The following CAPN10 variants were observed in gnomAD, a reference collection of about 807,000 sequenced individuals.
The protein encoded by CAPN10 is calpain 10.
CAPN10 carries 71 observed loss-of-function variants against 78.4 expected under a neutral mutation model. The ratio of observed to expected loss-of-function variants is 0.91; its 90% CI spans 0.75 to 1.10. CAPN10 has a LOEUF of 1.10. CAPN10 is among the 50% of genes least tolerant of loss of function. The probability of loss-of-function intolerance (pLI) is 0.00; values close to 1 mark genes in which losing one functional copy is unlikely to be tolerated. For missense variants in CAPN10, 849 were observed against 924.6 expected (o/e 0.92, Z 1.06); for synonymous variants, 437 against 407.2 (o/e 1.07, Z -0.88).
rs755489917 is a variant in CAPN10, at chr2:240,596,719, C to A, written c.1520C>A (p.Ala507Glu). 40 of 1,578,678 alleles carry A rather than the reference C, an allele frequency of 2.5e-5. No individual in the cohort carries two copies. The highest frequency in any genetic ancestry group is 3.4e-5 in the Non-Finnish European group (39 of 1,161,002). Residue 507 changes from alanine (A) to glutamate (E), a missense_variant, in exon 9 of 12, where the codon GCA becomes GAA. Physicochemically the swap from Ala to Glu is moderately radical, Grantham distance 107 (BLOSUM62 -1). Coordinates refer to ENST00000391984, the MANE Select transcript of CAPN10 (RefSeq NM_023083.4). The part of the protein sequence containing the change: ...RAVAKNTTPG[A>E]ALPAGEWGTV... ...GTGGCCAAGAACACCACCCCCGGGG[C>A]AGCCCTGCCTGCGGGGGAGTGGGGG...
At chr2:240,594,183 G>A in intron 5 of CAPN10, 136 bp downstream of exon 5, 2 of 945,328 alleles carry the variant, frequency 2.1e-6, no homozygotes, top group South Asian at 4.0e-5. Flanking sequence ...CTGCTCTCGT[G>A]ACACCATGCT....
In CAPN10 at chr2:240,594,007, CCCTGGG is replaced by C. The variant is rs760208263; in HGVS notation, c.791_796del (p.Pro264_Gly266delinsArg). The C allele has an allele frequency of 1.8e-5, 29 of 1,610,748 alleles. No individual in the cohort carries two copies. Among genetic ancestry groups the C allele is most frequent in the Non-Finnish European group, 2.5e-5 (29 of 1,178,032 alleles). On this transcript the variant is annotated inframe_deletion, in exon 5 of 12. Transcript: ENST00000391984. ...CATCCTGCTGCTGCGGATCCAGAAC[CCCTGGG>C]GCCGGCGGTGCTGGCAGGGGCTCTG...
Position 240,586,920 on chromosome 2 carries a change from G to T in CAPN10, c.9G>T (p.Ala3=). The change falls in exon 1 of 12, where the codon GCG becomes GCT. Residue 3 remains alanine, a synonymous_variant. Transcript: ENST00000391984. ...AGCCCGCGGAGCCGAGGATGCGGGC[G>T]GGCCGGGGCGCGACGCCGGCGAGGG... MR[A]GRGATPAREL... The T allele has an allele frequency of 7.0e-7, 1 of 1,431,428 alleles. No individual in the cohort carries two copies. Among genetic ancestry groups the T allele is most frequent in the Non-Finnish European group, 9.1e-7 (1 of 1,094,364 alleles). 88.7% of individuals were successfully genotyped at this position (1,431,428 alleles called of 1,614,324 possible).
intron 2 of CAPN10, chr2:240,590,172 G>A (rs927909518): frequency 6.6e-6 from 1 of 152,216 alleles, no homozygotes; most frequent in African/African-American, 2.4e-5. Context: ...TGGCCGTAAA[G>A]TGGCAGAGCC....
intron 9 of CAPN10, 34 bp downstream of exon 9, chr2:240,596,976 A>C: frequency 6.2e-7 from 1 of 1,612,776 alleles, no homozygotes; most frequent in Non-Finnish European, 8.5e-7. Flanking sequence ...GAGGGGGAGC[A>C]GAAGGGGCCC....
intron 3 of CAPN10, chr2:240,591,572 C>T: frequency 3.1e-6 from 1 of 326,978 alleles, no homozygotes; most frequent in South Asian, 5.2e-5. Context: ...CATCAGTGCC[C>T]AGTGAGCCCT....
rs1040118463 is a variant in CAPN10, at chr2:240,586,824, G to A, written c.-88G>A. On this transcript the variant is annotated 5_prime_UTR_variant, in exon 1 of 12. Transcript: ENST00000391984. Reference sequence around the variant, plus strand: ...GCCGGGCGGGGAACGGGCGGGGCGGGCCGGAGGCGGCGGCGGCTGACTCGC... The same window carrying A: ...GCCGGGCGGGGAACGGGCGGGGCGGACCGGAGGCGGCGGCGGCTGACTCGC... 2.4e-6 allele frequency: 3 copies of A among 1,245,696 alleles called. No homozygotes were observed. In the East Asian group the frequency reaches 9.7e-5, roughly 40 times the overall value. 77.2% of individuals were successfully genotyped at this position (1,245,696 alleles called of 1,614,324 possible).
intron 4 of CAPN10, chr2:240,592,680 A>C: frequency 1.1e-5 from 4 of 358,220 alleles, no homozygotes; most frequent in South Asian, 6.6e-5. Flanking sequence ...CTTAGATGGA[A>C]CCACATGTGA....
chr2:240,595,572 G>A (rs1331502896), intron 7 of CAPN10, among the ~76,000 whole-genome samples: 3 of 152,212 alleles, frequency 2.0e-5, no homozygotes, highest in Admixed American at 6.5e-5. Context: ...GGCAGGACCC[G>A]CAGGAGGGGC....
At chr2:240,595,908 G>A in intron 7 of CAPN10, 1 of 1,323,294 alleles carries the variant, frequency 7.6e-7, no homozygotes, top group East Asian at 5.2e-5. Flanking sequence ...TCAGGGGCTG[G>A]GTTTTCATCT....
Position 240,595,311 on chromosome 2 carries a change from C to T in CAPN10, c.1278+7C>T, listed in dbSNP as rs1404542902. The T allele has an allele frequency of 5.6e-6, 9 of 1,611,820 alleles. No homozygotes were observed. Among genetic ancestry groups the T allele is most frequent in the South Asian group, 1.1e-5 (1 of 91,052 alleles). On this transcript the variant is annotated splice_region_variant and intron_variant, in intron 7 of 11. Coordinates refer to ENST00000391984, the MANE Select transcript of CAPN10 (RefSeq NM_023083.4). ...GGGTCTGCACCTCTGGAAGGTAACT[C>T]AGCCCCGTCTGGCTCACGCTCGGTT...
intron 1 of CAPN10, among the ~76,000 whole-genome samples, chr2:240,588,507 C>T (rs1055689388): frequency 2.6e-5 from 4 of 151,906 alleles, no homozygotes; most frequent in African/African-American, 9.7e-5. Context: ...GTGGGGACCA[C>T]CTCAGGGGCA....
chr2:240,587,030 A>C lies in CAPN10; in HGVS notation c.119A>C (p.Asp40Ala). The stretch of plus-strand genomic sequence containing the variant: ...ACGCCGCTGGCCCAGTTCCGCGAGG[A>C]CATCACGTGGAGGCGGCCCCAGGTG... The part of the protein sequence containing the change: ...LSTPLAQFRE[D>A]ITWRRPQEIC... Residue 40 changes from aspartate to alanine, a missense_variant, in exon 1 of 12, where the codon GAC (aspartate) becomes GCC (alanine). Transcript: ENST00000391984. The C allele has an allele frequency of 6.9e-7, 1 of 1,453,536 alleles. No homozygotes were observed. 90.0% of individuals were successfully genotyped at this position (1,453,536 alleles called of 1,614,324 possible).
In CAPN10 at chr2:240,595,005, C is replaced by G; in HGVS notation, c.998-19C>G. 3.1e-6 allele frequency: 5 copies of G among 1,611,556 alleles called. No homozygotes were observed. Among genetic ancestry groups the G allele is most frequent in the Non-Finnish European group, 4.2e-6 (5 of 1,179,420 alleles). ...GAGGAGCCGTGTCCCACAGCTGATG[C>G]CTGGTGTTTTCTCACTAGAGAGGCT... On this transcript the variant is annotated intron_variant, in intron 6 of 11. Coordinates refer to ENST00000391984, the MANE Select transcript of CAPN10 (RefSeq NM_023083.4).
In CAPN10 at chr2:240,593,978, A is replaced by G; in HGVS notation, c.761A>G (p.Gln254Arg). The G allele has an allele frequency of 6.2e-7, 1 of 1,611,470 alleles. No homozygotes were observed. Among genetic ancestry groups the G allele is most frequent in the Non-Finnish European group, 8.5e-7 (1 of 1,178,448 alleles). Residue 254 changes from glutamine (Q) to arginine (R), a missense_variant, in exon 5 of 12, where the codon CAG becomes CGG. Coordinates refer to ENST00000391984, the MANE Select transcript of CAPN10 (RefSeq NM_023083.4). ...CGGGAGCTCCAGGGTCAGGCGGGCC[A>G]GTGCATCCTGCTGCTGCGGATCCAG... ...DLRELQGQAG[Q>R]CILLLRIQNP... is the part of the protein sequence containing the mutation.
In CAPN10 at chr2:240,598,844, C is replaced by T. The variant is rs548974665; in HGVS notation, c.*164C>T. On this transcript the variant is annotated 3_prime_UTR_variant, in exon 12 of 12. Coordinates refer to ENST00000391984, the MANE Select transcript of CAPN10 (RefSeq NM_023083.4). The stretch of plus-strand genomic sequence containing the variant: ...GGCCTAGGGGTCCACGGGAAGCCTC[C>T]GTCAGGAGAGACGCAGCCCTGGGGG... 2.4e-5 allele frequency: 16 copies of T among 666,568 alleles called. No individual in the cohort carries two copies. The highest frequency in any genetic ancestry group is 7.2e-5 in the African/African-American group (4 of 55,308). 41.3% of individuals were successfully genotyped at this position (666,568 alleles called of 1,614,324 possible).
chr2:240,589,508 C>T, intron 2 of CAPN10, 34 bp downstream of exon 2: 1 of 1,581,238 alleles, frequency 6.3e-7, no homozygotes, highest in Non-Finnish European at 8.6e-7. Context: ...TGTCCTGGAG[C>T]CGGTTTCTTT....
At chr2:240,589,059 A>T (rs1177537996) in intron 1 of CAPN10, among the ~76,000 whole-genome samples, 1 of 152,082 alleles carries the variant, frequency 6.6e-6, no homozygotes, top group Non-Finnish European at 1.5e-5. Flanking sequence ...AAAAAGTGAA[A>T]CTTTTCGAAG....
At chr2:240,588,049 G>C (rs1427620669) in intron 1 of CAPN10, among the ~76,000 whole-genome samples, 2 of 152,186 alleles carry the variant, frequency 1.3e-5, no homozygotes, top group African/African-American at 4.8e-5. Flanking sequence ...TTGCAGGGGG[G>C]ATCGAGAGGC....
Sources: allele counts gnomAD v4.1 joint callset (sites outside exome capture counted in the v4.1 genomes callset), GRCh38; gene constraint gnomAD v4.1.1; transcripts MANE v1.5; gene names NCBI Gene and HGNC (gene_info 2026-07-23, HGNC 2026-07-21).